RASGRF2: variants seen among roughly 807,000 people sequenced by gnomAD.
The protein encoded by RASGRF2 is Ras protein specific guanine nucleotide releasing factor 2.
RASGRF2 carries 76 observed loss-of-function variants against 151.0 expected under a neutral mutation model. The observed-to-expected ratio is 0.50, with a 90% confidence interval of 0.42 to 0.61. The LOEUF is 0.61. Among genes scored for constraint, RASGRF2 ranks in the 20% least tolerant of loss-of-function variants. The pLI, the probability that RASGRF2 is intolerant of heterozygous loss-of-function variation, is 0.00. For missense variants in RASGRF2, 1,148 were observed against 1,564.6 expected, an observed-to-expected ratio of 0.73 and a Z score of 4.49; for synonymous variants, 504 against 566.5, an observed-to-expected ratio of 0.89 and a Z score of 1.57.
At chr5:81,222,103 C>A (rs1200205955) in intron 26 of RASGRF2, among the ~76,000 whole-genome samples, 1 of 152,162 alleles carries the variant, frequency 6.6e-6, no homozygotes, top group African/African-American at 2.4e-5. Context: ...ATGGTTTCAG[C>A]AACCAAGATA....
intron 1 of RASGRF2, among the ~76,000 whole-genome samples, chr5:81,034,316 T>A (rs1750385301): frequency 1.3e-5 from 2 of 152,166 alleles, no homozygotes; most frequent in South Asian, 2.1e-4. Context: ...CTGGAGAGGA[T>A]GTGGAGAAAT....
intron 1 of RASGRF2, among the ~76,000 whole-genome samples, chr5:80,991,415 C>A (rs983538324): frequency 6.6e-6 from 1 of 152,060 alleles, no homozygotes; most frequent in South Asian, 2.1e-4. Flanking sequence ...ACAGATGAGA[C>A]CTTGTCTTTC....
chr5:81,113,387 T>C, intron 14 of RASGRF2, 151 bp from the exon 15 acceptor site: 1 of 876,136 alleles, frequency 1.1e-6, no homozygotes, highest in Non-Finnish European at 1.7e-6. Context: ...AGGTGGAGGG[T>C]ATACATGTAG....
intron 1 of RASGRF2, among the ~76,000 whole-genome samples, chr5:80,995,251 G>A (rs1472469343): frequency 1.4e-4 from 10 of 70,096 alleles, no homozygotes; most frequent in African/African-American, 5.1e-4. Context: ...GCCAGACTCC[G>A]TCTCAAAAAA....
At chr5:81,189,952 T>G (rs1755121422) in intron 18 of RASGRF2, among the ~76,000 whole-genome samples, 1 of 151,954 alleles carries the variant, frequency 6.6e-6, no homozygotes, top group African/African-American at 2.4e-5. Context: ...GACCTTGTGA[T>G]CCACCCGCCT....
chr5:81,164,236 T>C (rs1296920622), intron 17 of RASGRF2, among the ~76,000 whole-genome samples: 3 of 152,162 alleles, frequency 2.0e-5, no homozygotes, highest in Non-Finnish European at 4.4e-5. Context: ...TGACATAAAT[T>C]TGAGAGAACA....
At chr5:81,057,425 G>A (rs370392426) in intron 2 of RASGRF2, among the ~76,000 whole-genome samples, 92 of 152,278 alleles carry the variant, frequency 6.0e-4, no homozygotes, top group African/African-American at 2.1e-3. Flanking sequence ...CCTTCTATAA[G>A]ATAACTAAGG....
chr5:81,192,858 C>A (rs1755180182), intron 18 of RASGRF2, among the ~76,000 whole-genome samples: 1 of 152,156 alleles, frequency 6.6e-6, no homozygotes, highest in Non-Finnish European at 1.5e-5. Flanking sequence ...TAACTCTACA[C>A]CACAATTTAA....
chr5:81,221,244 C>A (rs1361950842), intron 26 of RASGRF2, among the ~76,000 whole-genome samples: 1 of 152,060 alleles, frequency 6.6e-6, no homozygotes, highest in African/African-American at 2.4e-5. Flanking sequence ...TATGAACACC[C>A]CACACCTAAG....
At chr5:81,111,398 G>C (rs1752988785) in intron 13 of RASGRF2, among the ~76,000 whole-genome samples, 1 of 152,208 alleles carries the variant, frequency 6.6e-6, no homozygotes, top group Non-Finnish European at 1.5e-5. Flanking sequence ...CAGCCAGATG[G>C]GAGGTTTTAC....
intron 1 of RASGRF2, among the ~76,000 whole-genome samples, chr5:81,018,388 C>A (rs16878325): frequency 0.057 from 8,670 of 152,116 alleles, 347 homozygotes; most frequent in African/African-American, 0.11. Flanking sequence ...ATTTGCTATC[C>A]TACAGTGGCA....
chr5:81,085,991 C>G, intron 8 of RASGRF2, 80 bp downstream of exon 8: 1 of 1,567,462 alleles, frequency 6.4e-7, no homozygotes, highest in East Asian at 2.3e-5. Flanking sequence ...TGTATATGTT[C>G]TAAGGAACAA....
At chr5:81,225,118 C>G (rs1755944705) in intron 26 of RASGRF2, among the ~76,000 whole-genome samples, 1 of 152,180 alleles carries the variant, frequency 6.6e-6, no homozygotes, top group Non-Finnish European at 1.5e-5. Context: ...CTACCCTAGC[C>G]TAGCAGAGTA....
At chr5:81,027,903 G>A (rs549717879) in intron 1 of RASGRF2, among the ~76,000 whole-genome samples, 25 of 152,280 alleles carry the variant, frequency 1.6e-4, no homozygotes, top group African/African-American at 4.1e-4. Flanking sequence ...TGTTGAGGTC[G>A]TCCTGGAGCA....
intron 1 of RASGRF2, among the ~76,000 whole-genome samples, chr5:80,995,399 T>TATATATATATATATATATATACAC (rs1165966102): frequency 8.3e-6 from 1 of 119,780 alleles, no homozygotes; most frequent in African/African-American, 3.3e-5. Flanking sequence ...TATATATATA[T>TATATATATATATATATATATACAC]ACACACACAC....
chr5:81,208,385 G>T lies in RASGRF2; in HGVS notation c.3103G>T (p.Asp1035Tyr). 1 of 1,612,646 alleles carries T rather than the reference G, an allele frequency of 6.2e-7. No homozygotes were observed. Among genetic ancestry groups the T allele is most frequent in the East Asian group, 2.2e-5 (1 of 44,826 alleles). ...TCTTGGGCAGGGGTGGATGAAGCTG[G>T]ATAAAAACGAAAGAACTCCTTACAT... ...EFLGQGWMKL[D>Y]KNERTPYIMK... The change falls in exon 22 of 27, where the codon GAT becomes TAT. Residue 1035 changes from aspartate (D) to tyrosine (Y), a missense_variant. Asp to Tyr is a radical substitution (Grantham distance 160, BLOSUM62 -3). Coordinates refer to ENST00000265080, the MANE Select transcript of RASGRF2 (RefSeq NM_006909.3).
intron 9 of RASGRF2, chr5:81,087,483 C>T (rs1179690566): frequency 2.1e-5 from 13 of 616,130 alleles, no homozygotes; most frequent in Middle Eastern, 2.5e-4. Context: ...TGGACACTTG[C>T]CACGCTTTGG....
At chr5:80,969,984 C>T (rs531243872) in intron 1 of RASGRF2, among the ~76,000 whole-genome samples, 1 of 151,734 alleles carries the variant, frequency 6.6e-6, no homozygotes, top group Non-Finnish European at 1.5e-5. Flanking sequence ...GCACCACCAC[C>T]CCGACTAATT....
intron 1 of RASGRF2, among the ~76,000 whole-genome samples, chr5:80,974,929 A>G (rs562584953): frequency 2.0e-5 from 3 of 152,242 alleles, no homozygotes; most frequent in South Asian, 2.1e-4. Flanking sequence ...GGCACATTCT[A>G]TTAATCCATT....
Sources: gnomAD v4.1 joint callset for allele counts (sites outside exome capture counted in the v4.1 genomes callset) on GRCh38, gnomAD v4.1.1 for gene constraint, MANE v1.5 for transcripts, NCBI Gene and HGNC (gene_info 2026-07-23, HGNC 2026-07-21) for gene names.